Variants in LTBP1 observed in about 807,000 individuals in gnomAD.
LTBP1 encodes latent transforming growth factor beta binding protein 1, also known as latent-transforming growth factor beta-binding protein 1.
Under a neutral mutation model 207.6 loss-of-function variants are expected in LTBP1, and 129 were observed. The ratio of observed to expected loss-of-function variants is 0.62; its 90% CI spans 0.54 to 0.72. LTBP1 has a LOEUF of 0.72. LTBP1 is among the 30% of genes least tolerant of loss of function. The pLI, the probability that LTBP1 is intolerant of heterozygous loss-of-function variation, is 0.00. For synonymous variants in LTBP1, 963 were observed against 833.7 expected (o/e 1.16, Z -2.67); for missense variants, 2,281 against 2,217.2 (o/e 1.03, Z -0.58).
At position 32,947,063 on chromosome 2, in the gene LTBP1, T is replaced by TCCCCTCG. The variant is rs1177692483; in HGVS notation, c.-255_-249dup. 2.9e-3 allele frequency: 837 copies of TCCCCTCG among 285,772 alleles called. 12 individuals carry two copies. Among genetic ancestry groups the TCCCCTCG allele is most frequent in the African/African-American group, 0.018 (793 of 45,078 alleles). 17.7% of individuals were successfully genotyped at this position (285,772 alleles called of 1,614,324 possible). A position where few individuals can be genotyped will look rare whatever the true frequency, so the allele number is the denominator to read the frequency against. The stretch of plus-strand genomic sequence containing the variant: ...CGGACCCTCACCTTGCGCGGCCCGC[T>TCCCCTCG]CCCCTCGCCCCTCCCCGCTCCCCGG... On this transcript the variant is annotated 5_prime_UTR_variant, in exon 1 of 34. Coordinates refer to ENST00000404816, the MANE Select transcript of LTBP1 (RefSeq NM_206943.4).
At chr2:33,325,895 G>A (rs2094420232) in intron 24 of LTBP1, among the ~76,000 whole-genome samples, 1 of 151,916 alleles carries the variant, frequency 6.6e-6, no homozygotes, top group Non-Finnish European at 1.5e-5. Context: ...AAAAATTTTA[G>A]AAGTATTTCT....
chr2:33,391,054 G>T (rs1574136811), intron 32 of LTBP1, among the ~76,000 whole-genome samples: 21 of 137,026 alleles, frequency 1.5e-4, no homozygotes, highest in South Asian at 7.0e-4. Context: ...TTCCCTCCTT[G>T]TCCTTCCTTC....
chr2:33,014,326 G>A (rs981783160), intron 2 of LTBP1, among the ~76,000 whole-genome samples: 7 of 152,064 alleles, frequency 4.6e-5, no homozygotes, highest in African/African-American at 1.7e-4. Context: ...CGAAACAACA[G>A]CATTTATTTG....
In LTBP1 at chr2:33,398,997, A is replaced by G. The variant is rs1257712295; in HGVS notation, c.*452A>G. 6.5e-6 allele frequency: 1 copy of G among 152,934 alleles called. No homozygotes were observed. Among genetic ancestry groups the G allele is most frequent in the Non-Finnish European group, 1.5e-5 (1 of 68,294 alleles). 9.5% of individuals were successfully genotyped at this position (152,934 alleles called of 1,614,324 possible). On this transcript the variant is annotated 3_prime_UTR_variant, in exon 34 of 34. Transcript: ENST00000404816. ...TCTCAAATGAAAAAGTCTTCGATAC[A>G]ATATTGTTAAGCTGTATTATAAGTA...
intron 26 of LTBP1, among the ~76,000 whole-genome samples, chr2:33,351,293 C>G (rs2094778388): frequency 6.6e-6 from 1 of 152,118 alleles, no homozygotes; most frequent in Non-Finnish European, 1.5e-5. Context: ...TCTGAAATGT[C>G]ATTCTTAAGG....
At chr2:33,232,170 C>T (rs534922278) in intron 9 of LTBP1, among the ~76,000 whole-genome samples, 1 of 152,190 alleles carries the variant, frequency 6.6e-6, no homozygotes, top group Admixed American at 6.5e-5. Flanking sequence ...TCAGGGTGAC[C>T]AGACATTACC....
chr2:33,229,925 C>T (rs940453792), intron 9 of LTBP1, among the ~76,000 whole-genome samples: 3 of 152,226 alleles, frequency 2.0e-5, no homozygotes, highest in African/African-American at 7.2e-5. Context: ...TGCTAAATTA[C>T]ATTACAAAGG....
intron 3 of LTBP1, among the ~76,000 whole-genome samples, chr2:33,088,357 C>T (rs559496892): frequency 6.6e-6 from 1 of 152,032 alleles, no homozygotes; most frequent in Non-Finnish European, 1.5e-5. Context: ...GAGGCTGAGG[C>T]AGGAGAATCA....
intron 3 of LTBP1, among the ~76,000 whole-genome samples, chr2:33,073,542 C>T (rs1436072799): frequency 6.6e-6 from 1 of 152,004 alleles, no homozygotes; most frequent in African/African-American, 2.4e-5. Context: ...TTTCTTTCTT[C>T]TTCCCTTTTT....
chr2:32,963,236 A>G (rs1679411998), intron 2 of LTBP1, among the ~76,000 whole-genome samples: 1 of 152,124 alleles, frequency 6.6e-6, no homozygotes, highest in Admixed American at 6.5e-5. Flanking sequence ...ACAAGGTCTC[A>G]CTCTGTAACC....
At chr2:33,355,935 GC>G (rs1356696226) in intron 26 of LTBP1, among the ~76,000 whole-genome samples, 1 of 137,722 alleles carries the variant, frequency 7.3e-6, no homozygotes, top group African/African-American at 2.8e-5. Flanking sequence ...TTATTTTTGT[GC>G]TTTTTTTTTT....
rs776791434 is a variant in LTBP1, at chr2:32,947,456, C to G, written c.132C>G (p.Pro44=). ...CCGGCCTGGCAGCCGGCGCCTTGCC[C>G]CTGAGCGGGCCCCCGCGTTCGCGGA... ...PGPGLAAGAL[P]LSGPPRSRTF... is the part of the protein sequence containing the mutation. The change falls in exon 1 of 34, where the codon CCC becomes CCG. Residue 44 remains proline (P), a synonymous_variant. Coordinates refer to ENST00000404816, the MANE Select transcript of LTBP1 (RefSeq NM_206943.4). 3 of 1,443,240 alleles carry G rather than the reference C, an allele frequency of 2.1e-6. No individual in the cohort carries two copies. The South Asian group carries it at 4.0e-5, about 19-fold the overall frequency. The allele number at this position is 1,443,240 out of a possible 1,614,324, so 89.4% of individuals were successfully genotyped here.
chr2:33,065,964 A>G (rs2077488535), intron 3 of LTBP1, among the ~76,000 whole-genome samples: 1 of 152,176 alleles, frequency 6.6e-6, no homozygotes, highest in African/African-American at 2.4e-5. Context: ...AATAACAGTG[A>G]GGTTAAATAG....
At chr2:33,012,598 G>T (rs1366262318) in intron 2 of LTBP1, among the ~76,000 whole-genome samples, 2 of 152,094 alleles carry the variant, frequency 1.3e-5, no homozygotes, top group African/African-American at 4.8e-5. Flanking sequence ...TTTCCTATTG[G>T]ACTCTGATCT....
intron 24 of LTBP1, among the ~76,000 whole-genome samples, chr2:33,330,894 T>G (rs2094485847): frequency 6.6e-6 from 1 of 151,842 alleles, no homozygotes; most frequent in Non-Finnish European, 1.5e-5. Flanking sequence ...TTTCCTTTTG[T>G]TTTTGTGCCT....
chr2:33,253,816 T>TCTA (rs2092750008), intron 11 of LTBP1, among the ~76,000 whole-genome samples: 1 of 151,716 alleles, frequency 6.6e-6, no homozygotes, highest in Non-Finnish European at 1.5e-5. Flanking sequence ...GTAGACTAGA[T>TCTA]AATTTTAGGC....
At position 33,088,629 on chromosome 2, in the gene LTBP1, A is replaced by C. The variant is rs544362231; in HGVS notation, c.864-21953A>C. On this transcript the variant is annotated intron_variant, in intron 3 of 33. Transcript: ENST00000404816. The stretch of plus-strand genomic sequence containing the variant: ...TAAGGTCTTAGTCCATCTTGTTTTT[A>C]CTGGATCCCTTGGCTTAGAACAGTG... Among the ~76,000 whole-genome samples the C allele has an allele frequency of 3.3e-5, 5 of 152,202 alleles. No homozygotes were observed. In the South Asian group the frequency reaches 1.0e-3, roughly 32 times the overall value.
intron 7 of LTBP1, among the ~76,000 whole-genome samples, chr2:33,196,005 TTTAAAA>T (rs1421377196): frequency 6.6e-6 from 1 of 152,196 alleles, no homozygotes; most frequent in East Asian, 1.9e-4. Flanking sequence ...AATAAAGTGT[TTTAAAA>T]TTAAGGTATG....
chr2:33,355,246 T>G (rs2094843277), intron 26 of LTBP1, among the ~76,000 whole-genome samples: 1 of 151,964 alleles, frequency 6.6e-6, no homozygotes, highest in South Asian at 2.1e-4. Context: ...CTCATCTCAG[T>G]GTACTATTCT....
Sources: gnomAD v4.1 joint callset for allele counts (sites outside exome capture counted in the v4.1 genomes callset) on GRCh38, gnomAD v4.1.1 for gene constraint, MANE v1.5 for transcripts, NCBI Gene and HGNC (gene_info 2026-07-23, HGNC 2026-07-21) for gene names.